FGF12: variants seen among roughly 807,000 people sequenced by gnomAD.
The protein encoded by FGF12 is fibroblast growth factor 12, also known as fibroblast growth factor 12B.
In FGF12, 14 loss-of-function variants were observed where a neutral mutation model predicts 23.6. The observed-to-expected ratio is 0.59, with a 90% CI of 0.39 to 0.93. FGF12 has a LOEUF of 0.93. FGF12 is among the 40% of genes least tolerant of loss of function. FGF12 has a pLI of 0.00. For missense variants in FGF12, 175 were observed against 217.8 expected (o/e 0.80, Z 1.24); for synonymous variants, 62 against 77.3 (o/e 0.80, Z 1.04).
intron 2 of FGF12, among the ~76,000 whole-genome samples, chr3:192,581,016 G>A (rs1057379820): frequency 1.3e-5 from 2 of 152,158 alleles, no homozygotes; most frequent in African/African-American, 4.8e-5. Context: ...AGCAATTTGA[G>A]ATGAAGGAAA....
At position 192,560,227 on chromosome 3, in the gene FGF12, A is replaced by G. The variant is rs77882014; in HGVS notation, c.13+166954T>C. On this transcript the variant is annotated intron_variant, in intron 2 of 5. Transcript: ENST00000445105. ...CTCTATATTTGTATGATCCAGTTTA[A>G]CTAAGTCTTAGAAATATATGAGATT... Among the ~76,000 whole-genome samples, 1,513 of 152,206 alleles carry G rather than the reference A, an allele frequency of 9.9e-3. 19 individuals carry two copies. Among genetic ancestry groups the G allele is most frequent in the African/African-American group, 0.034 (1,397 of 41,560 alleles).
chr3:192,472,788 T>C (rs1577003991), intron 2 of FGF12, among the ~76,000 whole-genome samples: 1 of 152,160 alleles, frequency 6.6e-6, no homozygotes, highest in African/African-American at 2.4e-5. Context: ...TTGCCCTTCG[T>C]TCCTACCAGG....
intron 2 of FGF12, among the ~76,000 whole-genome samples, chr3:192,455,723 G>A (rs1722660402): frequency 6.6e-6 from 1 of 152,082 alleles, no homozygotes; most frequent in Admixed American, 6.6e-5. Flanking sequence ...CCATGCTTCT[G>A]CATATTTAGA....
chr3:192,483,479 T>C (rs1167862269), intron 2 of FGF12, among the ~76,000 whole-genome samples: 1 of 152,178 alleles, frequency 6.6e-6, no homozygotes, highest in East Asian at 1.9e-4. Context: ...TGAACAGAAT[T>C]ATGCCTGATA....
chr3:192,586,605 A>AG (rs1245498837), intron 2 of FGF12, among the ~76,000 whole-genome samples: 2 of 152,228 alleles, frequency 1.3e-5, no homozygotes, highest in Non-Finnish European at 2.9e-5. Flanking sequence ...CCTCTGACAC[A>AG]GTCTATGTTG....
intron 4 of FGF12, among the ~76,000 whole-genome samples, chr3:192,198,328 T>C (rs1717186029): frequency 2.6e-5 from 4 of 152,174 alleles, no homozygotes; most frequent in Admixed American, 2.6e-4. Context: ...CTGACAAGAT[T>C]TTTTTCATTG....
intron 4 of FGF12, among the ~76,000 whole-genome samples, chr3:192,304,297 C>T (rs1483237840): frequency 1.3e-5 from 2 of 152,158 alleles, no homozygotes; most frequent in African/African-American, 4.8e-5. Flanking sequence ...TCTACTTCCC[C>T]TGTTGGGCAC....
intron 2 of FGF12, among the ~76,000 whole-genome samples, chr3:192,405,460 G>C (rs1350912997): frequency 6.6e-6 from 1 of 151,056 alleles, no homozygotes; most frequent in Non-Finnish European, 1.5e-5. Context: ...TAGAAAGTCT[G>C]GTCAATGGAA....
At chr3:192,248,231 T>G (rs1328755948) in intron 4 of FGF12, among the ~76,000 whole-genome samples, 1 of 152,186 alleles carries the variant, frequency 6.6e-6, no homozygotes, top group Non-Finnish European at 1.5e-5. Flanking sequence ...TTGGACATAG[T>G]TAAAGTGTAC....
chr3:192,182,546 G>A (rs1716237929), intron 4 of FGF12, among the ~76,000 whole-genome samples: 3 of 152,078 alleles, frequency 2.0e-5, no homozygotes, highest in African/African-American at 7.2e-5. Context: ...CCATGAAATA[G>A]GCAATCTCTA....
chr3:192,504,255 C>T (rs10937549), intron 2 of FGF12, among the ~76,000 whole-genome samples: 1 of 152,082 alleles, frequency 6.6e-6, no homozygotes, highest in African/African-American at 2.4e-5. Context: ...TTAGTACCTG[C>T]GTGATGAAAT....
At chr3:192,342,487 T>C (rs116659378) in intron 3 of FGF12, among the ~76,000 whole-genome samples, 5,505 of 152,174 alleles carry the variant, frequency 0.036, 339 homozygotes, top group African/African-American at 0.13. Context: ...AAACATCTTG[T>C]CAGCAAGGCG....
chr3:192,449,850 G>A (rs994434953), intron 2 of FGF12, among the ~76,000 whole-genome samples: 1 of 152,160 alleles, frequency 6.6e-6, no homozygotes, highest in Admixed American at 6.5e-5. Flanking sequence ...GCCTGAGGTG[G>A]GGTTAGAGGG....
At chr3:192,602,836 T>C (rs1026368932) in intron 2 of FGF12, among the ~76,000 whole-genome samples, 12 of 152,066 alleles carry the variant, frequency 7.9e-5, no homozygotes, top group African/African-American at 2.9e-4. Flanking sequence ...AAAGTCAATT[T>C]ACTATGATCA....
chr3:192,388,383 G>C (rs1412494920), intron 2 of FGF12, among the ~76,000 whole-genome samples: 1 of 152,048 alleles, frequency 6.6e-6, no homozygotes, highest in African/African-American at 2.4e-5. Context: ...TTATATTGAA[G>C]GTATCATAAT....
chr3:192,349,863 T>C (rs1213041898), intron 3 of FGF12, among the ~76,000 whole-genome samples: 1 of 152,148 alleles, frequency 6.6e-6, no homozygotes, highest in Non-Finnish European at 1.5e-5. Context: ...GATGGGGTTG[T>C]TCTGTGAATT....
intron 4 of FGF12, among the ~76,000 whole-genome samples, chr3:192,270,289 C>T (rs771073839): frequency 6.6e-6 from 1 of 152,150 alleles, no homozygotes; most frequent in Non-Finnish European, 1.5e-5. Context: ...ACATGTAATA[C>T]AGCACTTAAT....
intron 2 of FGF12, among the ~76,000 whole-genome samples, chr3:192,475,449 A>G (rs1315938207): frequency 2.0e-5 from 3 of 152,226 alleles, no homozygotes; most frequent in South Asian, 2.1e-4. Flanking sequence ...ATGAGAGAGC[A>G]TGATGCACAA....
chr3:192,308,114 C>A (rs933015298), intron 4 of FGF12, among the ~76,000 whole-genome samples: 31 of 152,098 alleles, frequency 2.0e-4, no homozygotes, highest in Non-Finnish European at 3.7e-4. Context: ...AAAAAAATCA[C>A]TGTTGAGATG....
Sources: allele counts gnomAD v4.1 joint callset (sites outside exome capture counted in the v4.1 genomes callset), GRCh38; gene constraint gnomAD v4.1.1; transcripts MANE v1.5; gene names NCBI Gene and HGNC (gene_info 2026-07-23, HGNC 2026-07-21).